GNPTG: variants seen among roughly 807,000 people sequenced by gnomAD.
GNPTG encodes the protein N-acetylglucosamine-1-phosphotransferase subunit gamma.
Under a neutral mutation model 43.8 loss-of-function variants are expected in GNPTG, and 46 were observed. The observed-to-expected ratio is 1.05, with a 90% CI of 0.83 to 1.34. GNPTG has a LOEUF of 1.34. Ranked by LOEUF, GNPTG falls within the 40% of genes most tolerant of loss-of-function variation. The probability of loss-of-function intolerance (pLI) is 0.00; values close to 1 mark genes in which losing one functional copy is unlikely to be tolerated. For synonymous variants in GNPTG, 250 were observed against 172.8 expected, an observed-to-expected ratio of 1.45 and a Z score of -3.50; for missense variants, 549 against 411.3, an observed-to-expected ratio of 1.33 and a Z score of -2.90.
At position 1,352,320 on chromosome 16, in the gene GNPTG, G is replaced by T; in HGVS notation, c.178+14G>T. 1 of 1,548,180 alleles carries T rather than the reference G, an allele frequency of 6.5e-7. No individual in the cohort carries two copies. The highest frequency in any genetic ancestry group is 8.7e-7 in the Non-Finnish European group (1 of 1,146,738). On this transcript the variant is annotated intron_variant, in intron 3 of 10. Coordinates refer to ENST00000204679, the MANE Select transcript of GNPTG (RefSeq NM_032520.5). ...CACCCGTGTCTGGTGAGTGAGGAGC[G>T]CTGTTGGCCGGCGCGGGGGTGGCCG...
chr16:1,363,959 AAG>A lies in GNPTG; in HGVS notation c.*871_*872del, dbSNP rs2141874513. 1 of 152,344 alleles carries A rather than the reference AAG, an allele frequency of 6.6e-6. No individual in the cohort carries two copies. The highest frequency in any genetic ancestry group is 2.4e-5 in the African/African-American group (1 of 41,568). 9.4% of individuals were successfully genotyped at this position (152,344 alleles called of 1,614,324 possible). On this transcript the variant is annotated 3_prime_UTR_variant, in exon 11 of 11. Coordinates refer to ENST00000204679, the MANE Select transcript of GNPTG (RefSeq NM_032520.5). ...GGGCGGGCGCCACCTCCTTCCCAGA[AAG>A]AGCAGAGCAGCTGGCAGACTAGAGC...
chr16:1,354,585 C>CAAAAAAAAAAAAAAAAAAA (rs869067502), intron 3 of GNPTG, among the ~76,000 whole-genome samples: 10 of 44,362 alleles, frequency 2.3e-4, no homozygotes, highest in East Asian at 3.2e-3. Flanking sequence ...GACTTCGTCT[C>CAAAAAAAAAAAAAAAAAAA]AAAAAAAAAA....
Position 1,362,549 on chromosome 16 carries a change from G to T in GNPTG, c.609+15G>T. ...TCACCCCCCAGGTAAGCGTGCGCTC[G>T]GGGTGGCCCCTGGTGGGCCTGGCTG... On this transcript the variant is annotated intron_variant, in intron 8 of 10. Coordinates refer to ENST00000204679, the MANE Select transcript of GNPTG (RefSeq NM_032520.5). 1.2e-6 allele frequency: 2 copies of T among 1,614,150 alleles called. No individual in the cohort carries two copies. The highest frequency in any genetic ancestry group is 8.5e-7 in the Non-Finnish European group (1 of 1,180,020).
In GNPTG at chr16:1,362,691, G is replaced by A. The variant is rs200094858; in HGVS notation, c.690G>A (p.Leu230=). Residue 230 remains leucine (L), a synonymous_variant, in exon 9 of 11, where the codon CTG becomes CTA. Coordinates refer to ENST00000204679, the MANE Select transcript of GNPTG (RefSeq NM_032520.5). Reference sequence around the variant, plus strand: ...CAGAAGAAAATGAACCCACCCAGCTGGAGGGAGGTCCTGACAGCTTGGGGT... The same window carrying A: ...CAGAAGAAAATGAACCCACCCAGCTAGAGGGAGGTCCTGACAGCTTGGGGT... ...KTPEENEPTQ[L]EGGPDSLGFE... The A allele has an allele frequency of 1.2e-6, 2 of 1,614,124 alleles. No homozygotes were observed. Among genetic ancestry groups the A allele is most frequent in the East Asian group, 2.2e-5 (1 of 44,874 alleles).
intron 10 of GNPTG, 25 bp downstream of exon 10, chr16:1,362,931 C>G: frequency 6.2e-7 from 1 of 1,613,724 alleles, no homozygotes; most frequent in Non-Finnish European, 8.5e-7. Context: ...GGGAGAGGGC[C>G]AGGCTCACCA....
At chr16:1,356,318 G>A (rs374609481) in intron 3 of GNPTG, among the ~76,000 whole-genome samples, 3 of 152,330 alleles carry the variant, frequency 2.0e-5, no homozygotes, top group South Asian at 4.1e-4. Flanking sequence ...TGCAGGGGAC[G>A]TGCGGGTGAA....
At chr16:1,355,748 C>T (rs528917742) in intron 3 of GNPTG, among the ~76,000 whole-genome samples, 10 of 143,672 alleles carry the variant, frequency 7.0e-5, no homozygotes, top group African/African-American at 2.4e-4. Flanking sequence ...GGGGCCTTGG[C>T]AGGGTCCTGG....
intron 3 of GNPTG, among the ~76,000 whole-genome samples, chr16:1,355,829 G>T (rs1884266686): frequency 6.6e-6 from 1 of 152,110 alleles, no homozygotes; most frequent in African/African-American, 2.4e-5. Context: ...GGCAAGTGCG[G>T]CTCCCAGCAT....
chr16:1,352,017 G>C lies in GNPTG; in HGVS notation c.52G>C (p.Gly18Arg). ...LLLLLGLSAG[G>R]PAPAGAAKMK... ...GTTGCTCCTCGGGCTCTCGGCCGGC[G>C]GTGAGTGGCCCGGCCGTCCGCGTCC... The change falls in exon 1 of 11, where the codon GGG (glycine) becomes CGG (arginine). Residue 18 changes from glycine to arginine, a missense_variant and splice_region_variant. By Grantham distance (125) the Gly-to-Arg change is moderately radical. Coordinates refer to ENST00000204679, the MANE Select transcript of GNPTG (RefSeq NM_032520.5). 6.8e-7 allele frequency: 1 copy of C among 1,472,318 alleles called. No homozygotes were observed. The highest frequency in any genetic ancestry group is 1.3e-5 in the South Asian group (1 of 77,046). The allele number at this position is 1,472,318 out of a possible 1,614,324, so 91.2% of individuals were successfully genotyped here.
Position 1,361,806 on chromosome 16 carries a change from A to G in GNPTG, c.233+9A>G, listed in dbSNP as rs1596612776. 4 of 1,242,718 alleles carry G rather than the reference A, an allele frequency of 3.2e-6. No homozygotes were observed. Among genetic ancestry groups the G allele is most frequent in the Non-Finnish European group, 4.6e-6 (4 of 867,656 alleles). The allele number at this position is 1,242,718 out of a possible 1,614,324, so 77.0% of individuals were successfully genotyped here. A position where few individuals can be genotyped will look rare whatever the true frequency, so the allele number is the denominator to read the frequency against. On this transcript the variant is annotated intron_variant, in intron 4 of 10. Coordinates refer to ENST00000204679, the MANE Select transcript of GNPTG (RefSeq NM_032520.5). ...AGCCTGGTGGAGTCCACGTGAGTGC[A>G]GGGTGGGTGCGAGGGTGGGCTGGGG...
At chr16:1,362,795 T>TTTCCCTTGAACTC in intron 9 of GNPTG, 30 bp from the exon 10 acceptor site, 1 of 1,614,134 alleles carries the variant, frequency 6.2e-7, no homozygotes, top group Non-Finnish European at 8.5e-7. Context: ...GCACCTGGGC[T>TTTCCCTTGAACTC]TTCCCTTGAA....
chr16:1,363,410 C>T lies in GNPTG; in HGVS notation c.*319C>T, dbSNP rs1185170973. On this transcript the variant is annotated 3_prime_UTR_variant, in exon 11 of 11. Transcript: ENST00000204679. ...ATTCTCATGTAAATACTCAAACATA[C>T]AGATTGAGGCTTCCAGAAATTAATC... is the stretch of plus-strand genomic sequence containing the variant. The T allele has an allele frequency of 2.1e-5, 8 of 374,062 alleles. No individual in the cohort carries two copies. Among genetic ancestry groups the T allele is most frequent in the Non-Finnish European group, 4.1e-5 (8 of 195,544 alleles). 23.2% of individuals were successfully genotyped at this position (374,062 alleles called of 1,614,324 possible). A position where few individuals can be genotyped will look rare whatever the true frequency, so the allele number is the denominator to read the frequency against.
chr16:1,354,294 A>G (rs1026968933), intron 3 of GNPTG, among the ~76,000 whole-genome samples: 21 of 152,070 alleles, frequency 1.4e-4, no homozygotes, highest in African/African-American at 5.1e-4. Flanking sequence ...CTGGAAAGAA[A>G]ACAGAATATG....
At chr16:1,355,657 CCAGCAT>C (rs2034762642) in intron 3 of GNPTG, among the ~76,000 whole-genome samples, 2 of 151,972 alleles carry the variant, frequency 1.3e-5, no homozygotes, top group Admixed American at 1.3e-4. Flanking sequence ...CCAGCAGAGT[CCAGCAT>C]AGCCCAGCAC....
Position 1,363,035 on chromosome 16 carries a change from A to C in GNPTG, c.862A>C (p.Arg288=), listed in dbSNP as rs200471078. Residue 288 remains arginine, a synonymous_variant, in exon 11 of 11, where the codon AGA becomes CGA. Coordinates refer to ENST00000204679, the MANE Select transcript of GNPTG (RefSeq NM_032520.5). ...NLEHLGHETP[R]AKSPEQLRGD... is the part of the protein sequence containing the mutation. ...GGAGCACTTGGGCCACGAGACGCCC[A>C]GAGCCAAGTCTCCAGAGCAGCTGCG... 5 of 1,614,118 alleles carry C rather than the reference A, an allele frequency of 3.1e-6. No homozygotes were observed. In the South Asian group the frequency reaches 4.4e-5, roughly 14 times the overall value.
At position 1,357,583 on chromosome 16, in the gene GNPTG, G is replaced by A. The variant is rs545909820; in HGVS notation, c.179-4160G>A. 3.8e-3 allele frequency: 586 copies of A among 152,310 alleles called. 1 individual carries two copies. Among genetic ancestry groups the A allele is most frequent in the Non-Finnish European group, 5.8e-3 (397 of 68,088 alleles). The allele number at this position is 152,310 out of a possible 1,614,324, so 9.4% of individuals were successfully genotyped here. On this transcript the variant is annotated intron_variant, in intron 3 of 10. Transcript: ENST00000204679. ...GGCTGGAGTGCAGTGGCGCGATCTC[G>A]GCTCAGTGCCAGCTCCGCCTCCCGG...
At position 1,362,495 on chromosome 16, in the gene GNPTG, G is replaced by A. The variant is rs780352492; in HGVS notation, c.570G>A (p.Gln190=). ...LPEALQRQWD[Q]VEQDLADELI... is the part of the protein sequence containing the mutation. The stretch of plus-strand genomic sequence containing the variant: ...AGGCCCTGCAGCGGCAGTGGGACCA[G>A]GTAGAGCAGGACCTGGCCGATGAGC... Residue 190 remains glutamine (Q), a synonymous_variant, in exon 8 of 11, where the codon CAG becomes CAA. Transcript: ENST00000204679. 4.3e-6 allele frequency: 7 copies of A among 1,614,118 alleles called. No individual in the cohort carries two copies. The highest frequency in any genetic ancestry group is 5.9e-6 in the Non-Finnish European group (7 of 1,180,018).
Position 1,362,208 on chromosome 16 carries a change from G to A in GNPTG, c.414G>A (p.Val138=). Residue 138 remains valine (V), a splice_region_variant and synonymous_variant, in exon 7 of 11, where the codon GTG becomes GTA. Transcript: ENST00000204679. The part of the protein sequence containing the change: ...ACRSRSRQSK[V]ELACGKSNRL... ...ACCTACCCACGTTCCCTCCCCAGGTGGAGCTGGCGTGTGGAAAAAGCAACC... is the reference window on the plus strand; with the variant it reads ...ACCTACCCACGTTCCCTCCCCAGGTAGAGCTGGCGTGTGGAAAAAGCAACC... The A allele has an allele frequency of 1.2e-6, 2 of 1,613,590 alleles. No homozygotes were observed. Among genetic ancestry groups the A allele is most frequent in the East Asian group, 2.2e-5 (1 of 44,884 alleles).
chr16:1,353,756 G>A (rs553617336), intron 3 of GNPTG, among the ~76,000 whole-genome samples: 4 of 152,218 alleles, frequency 2.6e-5, no homozygotes, highest in East Asian at 1.9e-4. Flanking sequence ...AACTCCCAGC[G>A]TCAAGCAATC....
Sources: gnomAD v4.1 joint callset for allele counts (sites outside exome capture counted in the v4.1 genomes callset) on GRCh38, gnomAD v4.1.1 for gene constraint, MANE v1.5 for transcripts, NCBI Gene and HGNC (gene_info 2026-07-23, HGNC 2026-07-21) for gene names.